The following FMN1 variants were observed in gnomAD, a reference collection of about 807,000 sequenced individuals.
FMN1 encodes the protein formin-1.
FMN1 carries 110 observed loss-of-function variants against 132.4 expected under a neutral mutation model. The observed-to-expected ratio is 0.83, with a 90% confidence interval of 0.71 to 0.97. The LOEUF (loss-of-function observed/expected upper bound fraction) is 0.97. FMN1 is among the 50% of genes least tolerant of loss of function. FMN1 has a pLI of 0.00. For missense variants in FMN1, 1,792 were observed against 1,705.3 expected (o/e 1.05, Z -0.90); for synonymous variants, 722 against 651.7 (o/e 1.11, Z -1.64).
At position 32,776,183 on chromosome 15, in the gene FMN1, C is replaced by T. The variant is rs2056411732; in HGVS notation, c.4215+652G>A. On this transcript the variant is annotated intron_variant, in intron 20 of 20. Coordinates refer to ENST00000616417, the MANE Select transcript of FMN1 (RefSeq NM_001277313.2). ...GGCAGAGCTGTGATCTGAACCCAGGCCATTTCATTCTCGGCATCCTGGGAT... is the reference window on the plus strand; with the variant it reads ...GGCAGAGCTGTGATCTGAACCCAGGTCATTTCATTCTCGGCATCCTGGGAT... 3.3e-5 allele frequency among the ~76,000 whole-genome samples: 5 copies of T among 152,202 alleles called. No individual in the cohort carries two copies. The South Asian group carries it at 1.0e-3, about 31-fold the overall frequency.
chr15:33,180,961 G>C (rs1334785251), intron 2 of FMN1, among the ~76,000 whole-genome samples: 1 of 152,056 alleles, frequency 6.6e-6, no homozygotes, highest in East Asian at 1.9e-4. Context: ...ATGTTGTCCA[G>C]GCTTGTCTTG....
In FMN1 at chr15:32,818,928, T is replaced by TAA. The variant is rs559611960; in HGVS notation, c.3929-14598_3929-14597dup. Among the ~76,000 whole-genome samples, 25 of 117,978 alleles carry TAA rather than the reference T, an allele frequency of 2.1e-4. 1 individual carries two copies. Among genetic ancestry groups the TAA allele is most frequent in the African/African-American group, 6.3e-4 (20 of 31,886 alleles). 77.4% of individuals were successfully genotyped at this position (117,978 alleles called of 152,430 possible). A position where few individuals can be genotyped will look rare whatever the true frequency, so the allele number is the denominator to read the frequency against. ...GTGGCACGAAGCTGATTTCAGAAAG[T>TAA]AAAAAAAAAAAAAAAGGCTCATGAA... On this transcript the variant is annotated intron_variant, in intron 17 of 20. Transcript: ENST00000616417.
chr15:32,891,348 C>T (rs370023255), intron 15 of FMN1, among the ~76,000 whole-genome samples: 9 of 152,122 alleles, frequency 5.9e-5, no homozygotes, highest in South Asian at 4.1e-4. Flanking sequence ...CCCGGGTTCA[C>T]GCCATTCTCC....
chr15:33,011,266 C>G (rs543410868), intron 6 of FMN1, among the ~76,000 whole-genome samples: 46 of 152,138 alleles, frequency 3.0e-4, no homozygotes, highest in African/African-American at 1.1e-3. Flanking sequence ...TATAGGGTCA[C>G]TTGATATATG....
At chr15:32,955,213 T>C (rs1158091858) in intron 9 of FMN1, among the ~76,000 whole-genome samples, 2 of 152,200 alleles carry the variant, frequency 1.3e-5, no homozygotes, top group Non-Finnish European at 2.9e-5. Flanking sequence ...TAGTGATATC[T>C]TTATTTTTTA....
chr15:32,841,962 G>A (rs368507927), intron 17 of FMN1, among the ~76,000 whole-genome samples: 2 of 152,146 alleles, frequency 1.3e-5, no homozygotes, highest in African/African-American at 4.8e-5. Context: ...TCTGAGGAAC[G>A]ATCAATTAGG....
chr15:32,970,656 A>AC (rs2031704213), intron 7 of FMN1: 2 of 152,144 alleles, frequency 1.3e-5, no homozygotes, highest in Non-Finnish European at 1.5e-5. Flanking sequence ...AAAGTAAAGA[A>AC]ATATTTTAAC....
At chr15:32,985,488 T>C (rs2033008630) in intron 7 of FMN1, among the ~76,000 whole-genome samples, 1 of 152,110 alleles carries the variant, frequency 6.6e-6, no homozygotes, top group African/African-American at 2.4e-5. Context: ...CTGTTAGAAA[T>C]CCTTAAAGCT....
At chr15:33,059,451 GT>G (rs1170867628) in intron 6 of FMN1, among the ~76,000 whole-genome samples, 1 of 152,152 alleles carries the variant, frequency 6.6e-6, no homozygotes, top group East Asian at 1.9e-4. Flanking sequence ...TCTATTTTTA[GT>G]TTTTTCAGGA....
At chr15:33,103,055 C>T (rs2039353185) in intron 4 of FMN1, among the ~76,000 whole-genome samples, 1 of 152,036 alleles carries the variant, frequency 6.6e-6, no homozygotes, top group South Asian at 2.1e-4. Context: ...CCAGGCACTC[C>T]AGCATCTGAC....
intron 7 of FMN1, among the ~76,000 whole-genome samples, chr15:33,007,174 C>T (rs755842120): frequency 2.0e-5 from 3 of 151,830 alleles, no homozygotes; most frequent in Non-Finnish European, 2.9e-5. Flanking sequence ...TGTCATATAC[C>T]GTATATATAC....
chr15:32,832,052 T>C (rs1472162130), intron 17 of FMN1, among the ~76,000 whole-genome samples: 2 of 152,202 alleles, frequency 1.3e-5, no homozygotes, highest in East Asian at 3.8e-4. Context: ...AGAGTTCCTG[T>C]GATCACTTAT....
At chr15:32,806,892 C>T (rs2057700703) in intron 17 of FMN1, among the ~76,000 whole-genome samples, 1 of 152,204 alleles carries the variant, frequency 6.6e-6, no homozygotes, top group Admixed American at 6.5e-5. Context: ...CACACACCCT[C>T]TACCCCTACC....
chr15:32,987,218 A>G (rs1397593503), intron 7 of FMN1, among the ~76,000 whole-genome samples: 2 of 152,308 alleles, frequency 1.3e-5, no homozygotes, highest in East Asian at 1.9e-4. Context: ...ATACAAGGTC[A>G]GCTGTATAAC....
chr15:33,062,331 A>G (rs918154494), intron 6 of FMN1, among the ~76,000 whole-genome samples: 6 of 152,132 alleles, frequency 3.9e-5, no homozygotes, highest in Admixed American at 1.3e-4. Context: ...AAGAGTTTAA[A>G]TAACAGTAGG....
At chr15:33,035,546 G>T (rs567698767) in intron 6 of FMN1, among the ~76,000 whole-genome samples, 92 of 152,114 alleles carry the variant, frequency 6.0e-4, no homozygotes, top group Middle Eastern at 3.4e-3. Flanking sequence ...CCTTTGCACT[G>T]GCTGTTCCCT....
intron 4 of FMN1, among the ~76,000 whole-genome samples, chr15:33,147,167 A>G (rs1428097948): frequency 7.3e-6 from 1 of 136,482 alleles, no homozygotes; most frequent in Non-Finnish European, 1.5e-5. Context: ...CTCCGTCTCA[A>G]AAAAAAAAAA....
chr15:32,922,047 A>C (rs1440050432), intron 10 of FMN1, among the ~76,000 whole-genome samples: 10 of 152,124 alleles, frequency 6.6e-5, no homozygotes, highest in Middle Eastern at 3.2e-3. Flanking sequence ...CTTAATCTTA[A>C]CTTTTACAGG....
intron 16 of FMN1, among the ~76,000 whole-genome samples, chr15:32,867,510 T>G (rs1196967722): frequency 9.3e-6 from 1 of 107,314 alleles, no homozygotes; most frequent in Non-Finnish European, 2.0e-5. Context: ...TCTCATCAGG[T>G]TTTTTTTTTT....
Sources: gnomAD v4.1 joint callset for allele counts (sites outside exome capture counted in the v4.1 genomes callset) on GRCh38, gnomAD v4.1.1 for gene constraint, MANE v1.5 for transcripts, NCBI Gene and HGNC (gene_info 2026-07-23, HGNC 2026-07-21) for gene names.